Variants in EPHA5 observed in about 807,000 individuals in gnomAD.
EPHA5 encodes the protein ephrin type-A receptor 5.
EPHA5 carries 60 observed loss-of-function variants against 105.0 expected under a neutral mutation model. The observed-to-expected ratio is 0.57, with a 90% CI of 0.46 to 0.71. The LOEUF is 0.71. EPHA5 is among the 30% of genes least tolerant of loss of function. The pLI, the probability that EPHA5 is intolerant of heterozygous loss-of-function variation, is 0.00. For synonymous variants in EPHA5, 513 were observed against 449.1 expected (o/e 1.14, Z -1.80); for missense variants, 1,218 against 1,274.7 (o/e 0.96, Z 0.68).
At position 65,392,826 on chromosome 4, in the gene EPHA5, G is replaced by C. The variant is rs998757117; in HGVS notation, c.1793+11548C>G. ...CAAACCACTTCAAATGGAGATTGATGCACAGCTCATCTTTAATTCAATAAC... is the reference window on the plus strand; with the variant it reads ...CAAACCACTTCAAATGGAGATTGATCCACAGCTCATCTTTAATTCAATAAC... On this transcript the variant is annotated intron_variant, in intron 8 of 16. Coordinates refer to ENST00000613740, the MANE Select transcript of EPHA5 (RefSeq NM_001281766.3). Among the ~76,000 whole-genome samples the C allele has an allele frequency of 2.0e-5, 3 of 152,216 alleles. No individual in the cohort carries two copies. The East Asian group carries it at 5.8e-4, about 29-fold the overall frequency.
At chr4:65,407,940 G>T (rs892532290) in intron 7 of EPHA5, among the ~76,000 whole-genome samples, 10 of 146,550 alleles carry the variant, frequency 6.8e-5, no homozygotes, top group Admixed American at 4.1e-4. Context: ...ATTTTTTTTT[G>T]TTTTTATTGT....
chr4:65,437,074 A>T (rs1231270017), intron 5 of EPHA5, among the ~76,000 whole-genome samples: 2 of 152,022 alleles, frequency 1.3e-5, no homozygotes, highest in African/African-American at 4.8e-5. Flanking sequence ...AAACGAGATT[A>T]AAATGTAAAA....
chr4:65,520,977 A>G (rs1466659850), intron 3 of EPHA5, among the ~76,000 whole-genome samples: 1 of 152,178 alleles, frequency 6.6e-6, no homozygotes. Flanking sequence ...CGATTCCTCA[A>G]GGATCTAGAA....
chr4:65,583,440 G>A (rs1358140416), intron 3 of EPHA5, among the ~76,000 whole-genome samples: 2 of 151,690 alleles, frequency 1.3e-5, no homozygotes, highest in Non-Finnish European at 3.0e-5. Context: ...GATTGGAATG[G>A]CATTTTCTGA....
At chr4:65,619,150 A>G (rs1382290622) in intron 2 of EPHA5, among the ~76,000 whole-genome samples, 1 of 152,194 alleles carries the variant, frequency 6.6e-6, no homozygotes, top group Non-Finnish European at 1.5e-5. Flanking sequence ...TCCGTCCAAA[A>G]AAAAAGAATA....
chr4:65,645,568 A>G (rs1170366047), intron 1 of EPHA5, among the ~76,000 whole-genome samples: 3 of 152,034 alleles, frequency 2.0e-5, no homozygotes, highest in Non-Finnish European at 4.4e-5. Flanking sequence ...TTCAAGATTC[A>G]GTTAACTGCA....
At chr4:65,579,627 T>A (rs2149394952) in intron 3 of EPHA5, among the ~76,000 whole-genome samples, 1 of 151,952 alleles carries the variant, frequency 6.6e-6, no homozygotes, top group Middle Eastern at 3.4e-3. Context: ...TTTATTAAAA[T>A]AATCTTCAGA....
intron 3 of EPHA5, among the ~76,000 whole-genome samples, chr4:65,533,918 G>A (rs1736056533): frequency 6.6e-6 from 1 of 151,176 alleles, no homozygotes; most frequent in Non-Finnish European, 1.5e-5. Flanking sequence ...GGGTGACAGA[G>A]TGAGACTCCA....
At chr4:65,468,899 CA>C (rs971146193) in intron 5 of EPHA5, among the ~76,000 whole-genome samples, 3 of 151,690 alleles carry the variant, frequency 2.0e-5, no homozygotes, top group Non-Finnish European at 2.9e-5. Context: ...GTCACAGTTA[CA>C]AAGTTTTGAT....
chr4:65,659,380 G>A (rs1175619284), intron 1 of EPHA5, among the ~76,000 whole-genome samples: 1 of 144,888 alleles, frequency 6.9e-6, no homozygotes, highest in Non-Finnish European at 1.5e-5. Context: ...AAGCATAGAT[G>A]CCGTGAATTG....
At chr4:65,490,317 A>G (rs1448672128) in intron 5 of EPHA5, 60 bp downstream of exon 5, 3 of 1,492,430 alleles carry the variant, frequency 2.0e-6, no homozygotes, top group African/African-American at 1.4e-5. Context: ...GCCGTCAGCT[A>G]TGGAAATAAT....
intron 5 of EPHA5, among the ~76,000 whole-genome samples, chr4:65,468,632 T>C (rs1285431663): frequency 7.9e-6 from 1 of 126,694 alleles, no homozygotes; most frequent in Non-Finnish European, 1.6e-5. Flanking sequence ...ATGTAAAATA[T>C]ATATAACATA....
At chr4:65,342,558 G>A (rs928662133) in intron 14 of EPHA5, among the ~76,000 whole-genome samples, 2 of 151,290 alleles carry the variant, frequency 1.3e-5, no homozygotes, top group African/African-American at 4.9e-5. Context: ...ATATGTATAT[G>A]TATGTATATC....
At chr4:65,535,120 A>T (rs896822941) in intron 3 of EPHA5, among the ~76,000 whole-genome samples, 1 of 152,214 alleles carries the variant, frequency 6.6e-6, no homozygotes, top group Non-Finnish European at 1.5e-5. Context: ...GTAAGTATGA[A>T]TTTCCACATG....
intron 7 of EPHA5, among the ~76,000 whole-genome samples, chr4:65,410,807 A>G (rs890671934): frequency 1.3e-5 from 2 of 152,160 alleles, no homozygotes; most frequent in South Asian, 2.1e-4. Context: ...CCTCATTCAG[A>G]CTACACAGAT....
intron 3 of EPHA5, among the ~76,000 whole-genome samples, chr4:65,525,118 T>C (rs1578334242): frequency 1.3e-5 from 2 of 151,760 alleles, no homozygotes; most frequent in Admixed American, 6.6e-5. Context: ...ATAACAGATA[T>C]ATTAAAACTT....
At position 65,493,792 on chromosome 4, in the gene EPHA5, C is replaced by T. The variant is rs150310283; in HGVS notation, c.1066+1596G>A. ...TCACGCCCCACCCCCATTTCCAATC[C>T]TAACAAATTTGCAGAAAGGGAGGCT... On this transcript the variant is annotated intron_variant, in intron 4 of 16. Transcript: ENST00000613740. Among the ~76,000 whole-genome samples, 676 of 151,518 alleles carry T rather than the reference C, an allele frequency of 4.5e-3. 6 individuals are homozygous for T. The highest frequency in any genetic ancestry group is 0.016 in the African/African-American group (643 of 41,252).
chr4:65,407,622 C>T (rs1401346468), intron 7 of EPHA5, among the ~76,000 whole-genome samples: 1 of 151,524 alleles, frequency 6.6e-6, no homozygotes, highest in Non-Finnish European at 1.5e-5. Flanking sequence ...GTATAAAAAG[C>T]AATCAGAGCC....
rs1285001325 is a variant in EPHA5 at position 65,602,013 on chromosome 4, C to T, written c.538G>A (p.Asp180Asn). The change falls in exon 3 of 17, where the codon GAT becomes AAT. Residue 180 changes from aspartate (D) to asparagine (N), a missense_variant. Physicochemically the swap from Asp to Asn is conservative, Grantham distance 23. This residue lies in a region of EPHA5 where 14 missense variants were observed against 33.7 expected (regional missense o/e 0.42). Coordinates refer to ENST00000613740, the MANE Select transcript of EPHA5 (RefSeq NM_001281766.3). The stretch of plus-strand genomic sequence containing the variant: ...AGATCAAGTTCTGTAAAGCTTTCAT[C>T]GGCAGCAATGGTATCAATTTTGATG... The part of the protein sequence containing the change: ...QYIKIDTIAA[D>N]ESFTELDLGD... 1.9e-6 allele frequency: 3 copies of T among 1,613,988 alleles called. No individual in the cohort carries two copies. The highest frequency in any genetic ancestry group is 1.3e-5 in the African/African-American group (1 of 74,892).
Sources: allele counts gnomAD v4.1 joint callset (sites outside exome capture counted in the v4.1 genomes callset), GRCh38; gene constraint gnomAD v4.1.1; regional missense constraint gnomAD v4.1.1; transcripts MANE v1.5; gene names NCBI Gene and HGNC (gene_info 2026-07-23, HGNC 2026-07-21).